Variants in CA10 observed in about 807,000 individuals in gnomAD.
The protein encoded by CA10 is carbonic anhydrase 10 (inactive).
Under a neutral mutation model 44.2 loss-of-function variants are expected in CA10, and 14 were observed. The ratio of observed to expected loss-of-function variants is 0.32; its 90% CI spans 0.21 to 0.50. CA10 has a LOEUF of 0.50. CA10 is among the 20% of genes least tolerant of loss of function. CA10 has a pLI of 0.99. For synonymous variants in CA10, 159 were observed against 141.6 expected (o/e 1.12, Z -0.87); for missense variants, 350 against 409.7 (o/e 0.85, Z 1.26).
intron 3 of CA10, among the ~76,000 whole-genome samples, chr17:51,821,539 C>T (rs1310996831): frequency 6.6e-6 from 1 of 152,036 alleles, no homozygotes; most frequent in Non-Finnish European, 1.5e-5. Context: ...TTTGAATAGC[C>T]TCCTAATTGG....
intron 1 of CA10, among the ~76,000 whole-genome samples, chr17:52,113,266 G>A (rs1988824087): frequency 6.6e-6 from 1 of 152,152 alleles, no homozygotes; most frequent in Non-Finnish European, 1.5e-5. Flanking sequence ...AAAATTAGTA[G>A]AATTTTGAAA....
chr17:51,675,192 G>C (rs558646743), intron 4 of CA10, among the ~76,000 whole-genome samples: 2 of 152,290 alleles, frequency 1.3e-5, no homozygotes, highest in East Asian at 3.9e-4. Context: ...CATGAGGTTT[G>C]GAGGAGTAAT....
chr17:51,686,883 G>A (rs774285111), intron 4 of CA10, among the ~76,000 whole-genome samples: 14 of 152,132 alleles, frequency 9.2e-5, no homozygotes, highest in African/African-American at 3.4e-4. Flanking sequence ...CACCAGCAAA[G>A]TCTTCAGTTC....
chr17:52,030,200 A>T (rs1376477357), intron 2 of CA10, among the ~76,000 whole-genome samples: 2 of 152,236 alleles, frequency 1.3e-5, no homozygotes, highest in African/African-American at 4.8e-5. Context: ...CTCTCCTAGA[A>T]ATGCATGAAT....
chr17:51,922,024 TTA>T (rs1263977530), intron 3 of CA10, among the ~76,000 whole-genome samples: 2 of 152,034 alleles, frequency 1.3e-5, no homozygotes, highest in African/African-American at 4.8e-5. Flanking sequence ...CAACTGGGAG[TTA>T]TGTTTTCTTG....
intron 3 of CA10, among the ~76,000 whole-genome samples, chr17:51,834,141 A>G (rs751976173): frequency 2.6e-5 from 4 of 152,226 alleles, no homozygotes; most frequent in Non-Finnish European, 5.9e-5. Context: ...GGATGCCTTG[A>G]TGAACTTGAC....
At chr17:51,790,666 G>A (rs1186477252) in intron 3 of CA10, among the ~76,000 whole-genome samples, 1 of 152,096 alleles carries the variant, frequency 6.6e-6, no homozygotes, top group African/African-American at 2.4e-5. Context: ...AAAATATATT[G>A]GTGGCCTTAA....
chr17:51,697,013 CTT>C (rs1043486242), intron 4 of CA10, among the ~76,000 whole-genome samples: 6 of 151,230 alleles, frequency 4.0e-5, no homozygotes, highest in Non-Finnish European at 7.4e-5. Flanking sequence ...AACCACAGGA[CTT>C]TGATTTTAAT....
intron 4 of CA10, among the ~76,000 whole-genome samples, chr17:51,742,690 T>C (rs1203209449): frequency 6.6e-6 from 1 of 152,212 alleles, no homozygotes; most frequent in African/African-American, 2.4e-5. Context: ...ATTTTACATA[T>C]GACTTTAATT....
chr17:51,655,264 T>C (rs75983577), intron 4 of CA10, among the ~76,000 whole-genome samples: 183 of 152,332 alleles, frequency 1.2e-3, no homozygotes, highest in African/African-American at 4.2e-3. Flanking sequence ...TTTCCATTTT[T>C]TTGTCTCTTA....
intron 2 of CA10, among the ~76,000 whole-genome samples, chr17:52,045,092 A>G (rs1251451593): frequency 1.3e-5 from 2 of 151,940 alleles, no homozygotes; most frequent in African/African-American, 4.8e-5. Context: ...TATTACATAC[A>G]GAGATACAAA....
intron 3 of CA10, among the ~76,000 whole-genome samples, chr17:51,775,326 T>C (rs1309217590): frequency 6.6e-6 from 1 of 152,152 alleles, no homozygotes; most frequent in African/African-American, 2.4e-5. Flanking sequence ...GTGTGGACAA[T>C]GCTCTCAAAT....
intron 3 of CA10, among the ~76,000 whole-genome samples, chr17:51,831,641 A>G (rs1908244397): frequency 6.6e-6 from 1 of 151,696 alleles, no homozygotes; most frequent in Admixed American, 6.6e-5. Context: ...CATCTTCAAA[A>G]TGGATTGTTC....
intron 3 of CA10, among the ~76,000 whole-genome samples, chr17:51,839,294 C>T (rs895942865): frequency 1.3e-5 from 2 of 151,986 alleles, no homozygotes; most frequent in South Asian, 2.1e-4. Context: ...AGATCGAGAC[C>T]TTCCTGGCTA....
chr17:52,121,892 C>G (rs1198593958), intron 1 of CA10, among the ~76,000 whole-genome samples: 1 of 152,186 alleles, frequency 6.6e-6, no homozygotes, highest in Non-Finnish European at 1.5e-5. Flanking sequence ...TCATTAGGAG[C>G]CTTGACCTAC....
intron 1 of CA10, among the ~76,000 whole-genome samples, chr17:52,134,658 T>C (rs1989311133): frequency 6.6e-6 from 1 of 152,132 alleles, no homozygotes; most frequent in Non-Finnish European, 1.5e-5. Flanking sequence ...GGAGAAAGAA[T>C]CATCTTCTCT....
chr17:51,699,789 T>A (rs1027435155), intron 4 of CA10, among the ~76,000 whole-genome samples: 1 of 152,210 alleles, frequency 6.6e-6, no homozygotes, highest in Non-Finnish European at 1.5e-5. Flanking sequence ...GTATACCAGC[T>A]TCATCCCCAT....
At chr17:52,015,603 C>G (rs962977922) in intron 2 of CA10, among the ~76,000 whole-genome samples, 1 of 152,092 alleles carries the variant, frequency 6.6e-6, no homozygotes, top group Non-Finnish European at 1.5e-5. Flanking sequence ...TAAGGATTTA[C>G]AAGCCACAGG....
At chr17:51,890,622 A>G (rs1383909082) in intron 3 of CA10, among the ~76,000 whole-genome samples, 2 of 152,222 alleles carry the variant, frequency 1.3e-5, no homozygotes, top group Non-Finnish European at 2.9e-5. Flanking sequence ...TAATACACAT[A>G]AATAAAAAAT....
Sources: allele counts gnomAD v4.1 joint callset (sites outside exome capture counted in the v4.1 genomes callset), GRCh38; gene constraint gnomAD v4.1.1; transcripts MANE v1.5; gene names NCBI Gene and HGNC (gene_info 2026-07-23, HGNC 2026-07-21).